Variants in HHAT observed in about 807,000 individuals in gnomAD.
HHAT encodes protein-cysteine N-palmitoyltransferase HHAT.
HHAT carries 47 observed loss-of-function variants against 70.8 expected under a neutral mutation model. The ratio of observed to expected loss-of-function variants is 0.66; its 90% CI spans 0.53 to 0.85. The LOEUF (loss-of-function observed/expected upper bound fraction) is 0.85, where lower values mean the gene tolerates loss of function less well. Among genes scored for constraint, HHAT ranks in the 40% least tolerant of loss-of-function variants. The pLI is 0.00. For synonymous variants in HHAT, 228 were observed against 247.6 expected (o/e 0.92, Z 0.74); for missense variants, 609 against 604.8 (o/e 1.01, Z -0.07).
At chr1:210,432,635 G>A (rs1388443640) in intron 7 of HHAT, among the ~76,000 whole-genome samples, 1 of 151,898 alleles carries the variant, frequency 6.6e-6, no homozygotes, top group African/African-American at 2.4e-5. Context: ...AGATGGCCTT[G>A]CTATCACATA....
At chr1:210,433,392 C>T (rs946798654) in intron 7 of HHAT, among the ~76,000 whole-genome samples, 4 of 151,796 alleles carry the variant, frequency 2.6e-5, no homozygotes, top group African/African-American at 9.7e-5. Context: ...CATAAGGCAG[C>T]AAAGGGAAAT....
intron 11 of HHAT, among the ~76,000 whole-genome samples, chr1:210,627,603 T>C (rs1461739874): frequency 6.6e-6 from 1 of 152,136 alleles, no homozygotes; most frequent in African/African-American, 2.4e-5. Flanking sequence ...ATAGAAATGC[T>C]CAGTGGCAAA....
At chr1:210,572,373 G>A (rs906100795) in intron 9 of HHAT, among the ~76,000 whole-genome samples, 1 of 152,082 alleles carries the variant, frequency 6.6e-6, no homozygotes, top group Non-Finnish European at 1.5e-5. Flanking sequence ...CCTTCTCCCT[G>A]AAGACAGTCT....
At chr1:210,463,598 GT>G (rs1426506324) in intron 7 of HHAT, among the ~76,000 whole-genome samples, 1 of 152,192 alleles carries the variant, frequency 6.6e-6, no homozygotes, top group African/African-American at 2.4e-5. Flanking sequence ...TAATGCTGCT[GT>G]GTACATCGGG....
At chr1:210,523,804 C>G (rs1209070004) in intron 9 of HHAT, among the ~76,000 whole-genome samples, 1 of 149,414 alleles carries the variant, frequency 6.7e-6, no homozygotes, top group African/African-American at 2.4e-5. Flanking sequence ...TTCATTTAAC[C>G]CATTTATTTT....
chr1:210,628,309 C>T (rs1670215741), intron 11 of HHAT, among the ~76,000 whole-genome samples: 1 of 151,640 alleles, frequency 6.6e-6, no homozygotes, highest in African/African-American at 2.4e-5. Flanking sequence ...CCAGGGAAGC[C>T]ATGGACTTTG....
intron 10 of HHAT, among the ~76,000 whole-genome samples, chr1:210,622,711 G>A (rs967720655): frequency 2.6e-5 from 4 of 152,144 alleles, no homozygotes; most frequent in African/African-American, 9.7e-5. Flanking sequence ...AGTAGGCTCG[G>A]CTCACACTCA....
rs114407092 is a variant in HHAT at position 210,512,615 on chromosome 1, T to C, written c.1008-538T>C. Among the ~76,000 whole-genome samples, 1,242 of 140,096 alleles carry C rather than the reference T, an allele frequency of 8.9e-3. 16 individuals are homozygous for C. Among genetic ancestry groups the C allele is most frequent in the African/African-American group, 0.031 (1,153 of 36,828 alleles). 91.9% of individuals were successfully genotyped at this position (140,096 alleles called of 152,430 possible). A position where few individuals can be genotyped will look rare whatever the true frequency, so the allele number is the denominator to read the frequency against. On this transcript the variant is annotated intron_variant, in intron 8 of 11. Transcript: ENST00000261458. Reference sequence around the variant, plus strand: ...TTAACCCAGGGGGTTGAGGCTGCAGTAAATGTGATCGCACCGCTGCACTTC... The same window carrying C: ...TTAACCCAGGGGGTTGAGGCTGCAGCAAATGTGATCGCACCGCTGCACTTC...
rs376449687 is a variant in HHAT at position 210,513,094 on chromosome 1, G to C, written c.1008-59G>C. On this transcript the variant is annotated intron_variant, in intron 8 of 11. Coordinates refer to ENST00000261458, the MANE Select transcript of HHAT (RefSeq NM_018194.6). Reference sequence around the variant, plus strand: ...TTTAAATTATAAATATAGTTGTCTAGTCTACCATTACTATAAATATCTTTT... The same window carrying C: ...TTTAAATTATAAATATAGTTGTCTACTCTACCATTACTATAAATATCTTTT... 4.1e-6 allele frequency: 4 copies of C among 984,468 alleles called. No homozygotes were observed. The East Asian group carries it at 7.3e-5, about 18-fold the overall frequency. The allele number at this position is 984,468 out of a possible 1,614,324, so 61.0% of individuals were successfully genotyped here. A position where few individuals can be genotyped will look rare whatever the true frequency, so the allele number is the denominator to read the frequency against.
At chr1:210,353,438 T>TG (rs1001178526) in intron 2 of HHAT, among the ~76,000 whole-genome samples, 4 of 88,958 alleles carry the variant, frequency 4.5e-5, no homozygotes, top group Non-Finnish European at 8.2e-5. Context: ...TCACCTGTTT[T>TG]TTTTTTTTTT....
At chr1:210,461,084 A>C (rs555882889) in intron 7 of HHAT, among the ~76,000 whole-genome samples, 14 of 152,328 alleles carry the variant, frequency 9.2e-5, no homozygotes, top group African/African-American at 3.1e-4. Flanking sequence ...AAATAGTAAA[A>C]TGTAATATTT....
chr1:210,514,434 A>G (rs1488114198), intron 9 of HHAT, among the ~76,000 whole-genome samples: 1 of 152,236 alleles, frequency 6.6e-6, no homozygotes, highest in East Asian at 1.9e-4. Context: ...TGAACTGATC[A>G]GAAGAATCTG....
At chr1:210,641,383 C>T (rs61827415) in intron 11 of HHAT, among the ~76,000 whole-genome samples, 73 of 152,286 alleles carry the variant, frequency 4.8e-4, no homozygotes, top group Non-Finnish European at 9.0e-4. Flanking sequence ...TAGTTGTAAT[C>T]CCCTTTAGAG....
intron 11 of HHAT, among the ~76,000 whole-genome samples, chr1:210,638,293 C>T (rs1672298989): frequency 6.6e-6 from 1 of 152,142 alleles, no homozygotes; most frequent in Non-Finnish European, 1.5e-5. Flanking sequence ...ACAATCCAAA[C>T]ATCTGTCAAA....
At chr1:210,423,795 T>C (rs2092975298) in intron 7 of HHAT, among the ~76,000 whole-genome samples, 2 of 152,158 alleles carry the variant, frequency 1.3e-5, no homozygotes, top group African/African-American at 4.8e-5. Context: ...TTGAACAGAT[T>C]GTCCTTTCCT....
chr1:210,348,389 C>T lies in HHAT; in HGVS notation c.-43-544C>T, dbSNP rs912707739. Among the ~76,000 whole-genome samples, 4 of 152,308 alleles carry T rather than the reference C, an allele frequency of 2.6e-5. No individual in the cohort carries two copies. The East Asian group carries it at 7.8e-4, about 30-fold the overall frequency. On this transcript the variant is annotated intron_variant, in intron 1 of 11. Coordinates refer to ENST00000261458, the MANE Select transcript of HHAT (RefSeq NM_018194.6). ...GTGTTAGGATTACAGGCATGAGCCA[C>T]CATGCCTGGCCTATAGTATGATACT...
At chr1:210,553,232 G>C (rs1462679935) in intron 9 of HHAT, among the ~76,000 whole-genome samples, 1 of 152,192 alleles carries the variant, frequency 6.6e-6, no homozygotes, top group African/African-American at 2.4e-5. Context: ...GAACAGCCAA[G>C]TCCTGTGATA....
At chr1:210,428,312 A>AATTTTG (rs2093134295) in intron 7 of HHAT, among the ~76,000 whole-genome samples, 4 of 27,132 alleles carry the variant, frequency 1.5e-4, no homozygotes, top group East Asian at 6.9e-4. Flanking sequence ...ATATATATAT[A>AATTTTG]TATATATATA....
At chr1:210,339,257 C>A in intron 1 of HHAT, among the ~76,000 whole-genome samples, 1 of 152,232 alleles carries the variant, frequency 6.6e-6, no homozygotes, top group Middle Eastern at 3.4e-3. Flanking sequence ...TAGGGAACAA[C>A]CTTTGTGACA....
Sources: gnomAD v4.1 joint callset for allele counts (sites outside exome capture counted in the v4.1 genomes callset) on GRCh38, gnomAD v4.1.1 for gene constraint, MANE v1.5 for transcripts, NCBI Gene and HGNC (gene_info 2026-07-23, HGNC 2026-07-21) for gene names.